The following IL36A variants were observed in gnomAD, a reference collection of about 807,000 sequenced individuals.
IL36A encodes interleukin-36 alpha.
IL36A carries 13 observed loss-of-function variants against 12.7 expected under a neutral mutation model. That is an observed-to-expected ratio of 1.02 (90% CI 0.67 to 1.63). The LOEUF (loss-of-function observed/expected upper bound fraction) is 1.63, where lower values mean the gene tolerates loss of function less well. Among genes scored for constraint, IL36A ranks in the 40% most tolerant of loss-of-function variants. IL36A has a pLI of 0.00. For missense variants in IL36A, 195 were observed against 192.9 expected (o/e 1.01, Z -0.07); for synonymous variants, 73 against 71.9 (o/e 1.01, Z -0.08).
chr2:113,006,169 G>T, intron 2 of IL36A, 82 bp downstream of exon 2: 1 of 892,984 alleles, frequency 1.1e-6, no homozygotes, highest in East Asian at 2.5e-5. Context: ...TTCCACAGTG[G>T]GCTTGTTAAC....
chr2:113,008,860 T>G (rs1317271867), downstream of IL36A, among the ~76,000 whole-genome samples: 1 of 151,812 alleles, frequency 6.6e-6, no homozygotes, highest in East Asian at 1.9e-4. Flanking sequence ...AGGGTACATG[T>G]GCATGACATG....
chr2:113,006,976 A>C lies in IL36A; in HGVS notation c.264+239A>C, dbSNP rs28947169. Among the ~76,000 whole-genome samples the C allele has an allele frequency of 5.5e-3, 832 of 152,322 alleles. 8 individuals carry two copies. The highest frequency in any genetic ancestry group is 0.019 in the African/African-American group (775 of 41,566). ...TTTGGCAAGGATGATGTCTAACTTC[A>C]ATAGAACACACACACAGAGTAAAAT... On this transcript the variant is annotated intron_variant, in intron 3 of 3. Transcript: ENST00000259211.
downstream of IL36A, among the ~76,000 whole-genome samples, chr2:113,009,218 C>T (rs909885705): frequency 1.8e-4 from 28 of 151,658 alleles, no homozygotes; most frequent in African/African-American, 6.5e-4. Flanking sequence ...TCCAGTCTAT[C>T]GTTGTTGGAC....
At chr2:113,006,855 G>T in intron 3 of IL36A, 118 bp downstream of exon 3, 2 of 1,066,864 alleles carry the variant, frequency 1.9e-6, no homozygotes, top group South Asian at 1.7e-5. Flanking sequence ...CCTTGGGGTT[G>T]GTATATGTTA....
At chr2:113,010,927 A>G (rs28946268), downstream of IL36A, among the ~76,000 whole-genome samples, 3,606 of 152,234 alleles carry the variant, frequency 0.024, 156 homozygotes, top group African/African-American at 0.082. Context: ...GTTTCTATGA[A>G]TTTGACTATT....
intron 3 of IL36A, among the ~76,000 whole-genome samples, chr2:113,006,960 G>T (rs1017251239): frequency 6.6e-6 from 1 of 152,114 alleles, no homozygotes. Context: ...ATTTGGCAAG[G>T]ATGATGTCTA....
Position 113,007,951 on chromosome 2 carries a change from C to G in IL36A, c.384C>G (p.Ile128Met), listed in dbSNP as rs555854077. 6 of 1,614,082 alleles carry G rather than the reference C, an allele frequency of 3.7e-6. No homozygotes were observed. The highest frequency in any genetic ancestry group is 1.3e-5 in the African/African-American group (1 of 74,936). Residue 128 changes from isoleucine to methionine, a missense_variant, in exon 4 of 4, where the codon ATC becomes ATG. Physicochemically the swap from Ile to Met is conservative, Grantham distance 10 (BLOSUM62 1). Transcript: ENST00000259211. ...CTGTGGCTTTCCCTGGCTGGTTCATCGCTGTCAGCTCTGAAGGAGGCTGTC... is the reference window on the plus strand; with the variant it reads ...CTGTGGCTTTCCCTGGCTGGTTCATGGCTGTCAGCTCTGAAGGAGGCTGTC... ...FESVAFPGWF[I>M]AVSSEGGCPL...
Position 113,007,891 on chromosome 2 carries a change from C to T in IL36A, c.324C>T (p.Tyr108=), listed in dbSNP as rs769775121. The change falls in exon 4 of 4, where the codon TAC becomes TAT. Residue 108 remains tyrosine, a synonymous_variant. Transcript: ENST00000259211. The part of the protein sequence containing the change: ...QPEPVKSFLF[Y]HSQSGRNSTF... ...AGCCTGTGAAGTCCTTTCTCTTCTA[C>T]CACAGCCAGAGTGGCAGGAACTCCA... 5.0e-6 allele frequency: 8 copies of T among 1,614,050 alleles called. No homozygotes were observed. Among genetic ancestry groups the T allele is most frequent in the Middle Eastern group, 3.3e-4 (2 of 6,084 alleles).
chr2:113,009,137 A>G (rs1684691078), downstream of IL36A, among the ~76,000 whole-genome samples: 1 of 151,758 alleles, frequency 6.6e-6, no homozygotes, highest in Admixed American at 6.6e-5. Flanking sequence ...ATGTCCCTAC[A>G]AAGGACATGA....
downstream of IL36A, among the ~76,000 whole-genome samples, chr2:113,009,329 T>C (rs1684693905): frequency 6.6e-6 from 1 of 151,464 alleles, no homozygotes; most frequent in Non-Finnish European, 1.5e-5. Flanking sequence ...CAAAAGACTA[T>C]AAATCATGCT....
At chr2:113,006,275 A>G (rs967001426) in intron 2 of IL36A, among the ~76,000 whole-genome samples, 188 bp downstream of exon 2, 1 of 152,202 alleles carries the variant, frequency 6.6e-6, no homozygotes, top group African/African-American at 2.4e-5. Context: ...GTCAGAGAAG[A>G]GAGAGAAGGC....
Position 113,005,668 on chromosome 2 carries a change from G to T in IL36A, c.-204G>T. On this transcript the variant is annotated 5_prime_UTR_variant, in exon 1 of 4. It adds an upstream start codon to the 5' untranslated region. Transcript: ENST00000259211. Reference sequence around the variant, plus strand: ...CATAGGTGCAGCTGCTTCTGCTGGAGGTAGACTGCATCCAACAAAGTAAGG... The same window carrying T: ...CATAGGTGCAGCTGCTTCTGCTGGATGTAGACTGCATCCAACAAAGTAAGG... The T allele has an allele frequency of 1.6e-6, 1 of 632,744 alleles. No individual in the cohort carries two copies. Among genetic ancestry groups the T allele is most frequent in the East Asian group, 2.7e-5 (1 of 36,520 alleles). 39.2% of individuals were successfully genotyped at this position (632,744 alleles called of 1,614,324 possible). A position where few individuals can be genotyped will look rare whatever the true frequency, so the allele number is the denominator to read the frequency against.
chr2:113,007,150 A>G (rs1573355076), intron 3 of IL36A, among the ~76,000 whole-genome samples: 1 of 152,326 alleles, frequency 6.6e-6, no homozygotes, highest in East Asian at 1.9e-4. Flanking sequence ...ATTATTAAAA[A>G]AAGATAATTA....
Position 113,005,679 on chromosome 2 carries a change from T to A in IL36A, c.-193T>A, listed in dbSNP as rs1684599082. 2 of 648,024 alleles carry A rather than the reference T, an allele frequency of 3.1e-6. No individual in the cohort carries two copies. The highest frequency in any genetic ancestry group is 2.7e-5 in the East Asian group (1 of 36,840). The allele number at this position is 648,024 out of a possible 1,614,324, so 40.1% of individuals were successfully genotyped here. Reference sequence around the variant, plus strand: ...CTGCTTCTGCTGGAGGTAGACTGCATCCAACAAAGTAAGGGTGCTGGGTGA... The same window carrying A: ...CTGCTTCTGCTGGAGGTAGACTGCAACCAACAAAGTAAGGGTGCTGGGTGA... On this transcript the variant is annotated 5_prime_UTR_variant, in exon 1 of 4. Transcript: ENST00000259211.
At position 113,006,663 on chromosome 2, in the gene IL36A, T is replaced by C. The variant is rs376921690; in HGVS notation, c.190T>C (p.Tyr64His). ...TLEKDRGNPI[Y>H]LGLNGLNLCL... The stretch of plus-strand genomic sequence containing the variant: ...TGAGAAAGACAGAGGGAACCCCATC[T>C]ACCTGGGCCTGAATGGACTCAATCT... The change falls in exon 3 of 4, where the codon TAC becomes CAC. Residue 64 changes from tyrosine to histidine, a missense_variant. Transcript: ENST00000259211. 5.6e-6 allele frequency: 9 copies of C among 1,614,068 alleles called. No homozygotes were observed. The highest frequency in any genetic ancestry group is 7.6e-6 in the Non-Finnish European group (9 of 1,180,018).
downstream of IL36A, among the ~76,000 whole-genome samples, chr2:113,010,848 T>A (rs1684715021): frequency 6.6e-6 from 1 of 152,198 alleles, no homozygotes; most frequent in Non-Finnish European, 1.5e-5. Context: ...AAATGAATAT[T>A]ATATGCATTG....
chr2:113,010,953 G>A (rs1354382835), downstream of IL36A, among the ~76,000 whole-genome samples: 1 of 152,140 alleles, frequency 6.6e-6, no homozygotes, highest in Non-Finnish European at 1.5e-5. Flanking sequence ...TATCGTATCT[G>A]TAAGTGGAAT....
At chr2:113,008,134 C>A (rs1684665881), downstream of IL36A, 3 of 1,066,946 alleles carry the variant, frequency 2.8e-6, no homozygotes, top group African/African-American at 3.1e-5. Flanking sequence ...TGTTATTGGA[C>A]TTTCCACCTA....
Position 113,007,983 on chromosome 2 carries a change from T to C in IL36A, c.416T>C (p.Ile139Thr), listed in dbSNP as rs773262666. Reference protein sequence around the residue: ...AVSSEGGCPLILTQELGKANT... With the variant: ...AVSSEGGCPLTLTQELGKANT... ...AGCTCTGAAGGAGGCTGTCCTCTCA[T>C]CCTTACCCAAGAACTGGGGAAAGCC... The change falls in exon 4 of 4, where the codon ATC becomes ACC. Residue 139 changes from isoleucine (I) to threonine (T), a missense_variant. Coordinates refer to ENST00000259211, the MANE Select transcript of IL36A (RefSeq NM_014440.3). 6.2e-7 allele frequency: 1 copy of C among 1,614,216 alleles called. No individual in the cohort carries two copies. Among genetic ancestry groups the C allele is most frequent in the South Asian group, 1.1e-5 (1 of 91,084 alleles).
Sources: allele counts gnomAD v4.1 joint callset (sites outside exome capture counted in the v4.1 genomes callset), GRCh38; gene constraint gnomAD v4.1.1; transcripts MANE v1.5; gene names NCBI Gene and HGNC (gene_info 2026-07-23, HGNC 2026-07-21).